SMAD3: variants seen among roughly 807,000 people sequenced by gnomAD.
The protein encoded by SMAD3 is MAD homolog 3.
A neutral mutation model predicts 51.8 loss-of-function variants in SMAD3; 12 were observed. The ratio of observed to expected loss-of-function variants is 0.23; its 90% confidence interval spans 0.15 to 0.38. The LOEUF (loss-of-function observed/expected upper bound fraction) is 0.38, where lower values mean the gene tolerates loss of function less well. Ranked by LOEUF, SMAD3 falls within the 10% of genes least tolerant of loss-of-function variation. The probability of loss-of-function intolerance (pLI) is 1.00; values close to 1 mark genes in which losing one functional copy is unlikely to be tolerated. For synonymous variants in SMAD3, 238 were observed against 227.7 expected (o/e 1.05, Z -0.41); for missense variants, 294 against 565.6 (o/e 0.52, Z 4.87).
chr15:67,167,525 G>A (rs753515196), intron 4 of SMAD3, among the ~76,000 whole-genome samples: 3 of 152,166 alleles, frequency 2.0e-5, no homozygotes, highest in South Asian at 2.1e-4. Context: ...CAGCAGCAGG[G>A]TAGAGAGTGG....
At chr15:67,118,086 T>C (rs1319950852) in intron 1 of SMAD3, among the ~76,000 whole-genome samples, 1 of 152,214 alleles carries the variant, frequency 6.6e-6, no homozygotes, top group Non-Finnish European at 1.5e-5. Context: ...AGTGAGACAA[T>C]GTCTCAAAAA....
chr15:67,134,847 C>T (rs1263741601), intron 1 of SMAD3, among the ~76,000 whole-genome samples: 1 of 152,212 alleles, frequency 6.6e-6, no homozygotes, highest in Non-Finnish European at 1.5e-5. Flanking sequence ...GCCCCTCACA[C>T]TCACGGCAGA....
In SMAD3 at chr15:67,193,949, A is replaced by G. The variant is rs1963434551; in HGVS notation, c.*3413A>G. ...AAAGATCTGTTTCATTCTTAGCCTC[A>G]GGCCTCATGAGGGTCTCCACAGGGC... is the stretch of plus-strand genomic sequence containing the variant. On this transcript the variant is annotated 3_prime_UTR_variant, in exon 9 of 9. Transcript: ENST00000327367. 2 of 233,090 alleles carry G rather than the reference A, an allele frequency of 8.6e-6. No homozygotes were observed. Among genetic ancestry groups the G allele is most frequent in the Admixed American group, 1.1e-4 (2 of 17,760 alleles). 14.4% of individuals were successfully genotyped at this position (233,090 alleles called of 1,614,324 possible).
chr15:67,133,041 A>C (rs1354667736), intron 1 of SMAD3, among the ~76,000 whole-genome samples: 1 of 151,684 alleles, frequency 6.6e-6, no homozygotes, highest in Non-Finnish European at 1.5e-5. Context: ...CTTGCTTGTC[A>C]CTCCTCTTTA....
At chr15:67,072,311 C>T (rs775404343) in intron 1 of SMAD3, among the ~76,000 whole-genome samples, 3 of 152,178 alleles carry the variant, frequency 2.0e-5, no homozygotes, top group African/African-American at 4.8e-5. Context: ...GCGTGAGCTC[C>T]TTAATGAAAT....
At chr15:67,182,395 A>G (rs1438189133) in intron 6 of SMAD3, among the ~76,000 whole-genome samples, 1 of 152,214 alleles carries the variant, frequency 6.6e-6, no homozygotes, top group Non-Finnish European at 1.5e-5. Flanking sequence ...CAACTGTCAG[A>G]ACTTAGAAGG....
At chr15:67,068,959 C>T (rs1239759388) in intron 1 of SMAD3, among the ~76,000 whole-genome samples, 1 of 152,154 alleles carries the variant, frequency 6.6e-6, no homozygotes, top group Non-Finnish European at 1.5e-5. Flanking sequence ...CTTAGTCATT[C>T]CCCCTGTGTG....
chr15:67,123,317 G>C (rs1481733493), intron 1 of SMAD3, among the ~76,000 whole-genome samples: 3 of 152,010 alleles, frequency 2.0e-5, no homozygotes, highest in Non-Finnish European at 4.4e-5. Context: ...CTAAAACATG[G>C]TGAAATTCCG....
chr15:67,117,071 G>A (rs1402431382), intron 1 of SMAD3, among the ~76,000 whole-genome samples: 1 of 152,128 alleles, frequency 6.6e-6, no homozygotes, highest in Admixed American at 6.5e-5. Flanking sequence ...ACTGAAAAGG[G>A]CATTTTTCTA....
chr15:67,169,110 A>G (rs558650179), intron 4 of SMAD3, among the ~76,000 whole-genome samples: 2 of 152,176 alleles, frequency 1.3e-5, no homozygotes, highest in Non-Finnish European at 2.9e-5. Context: ...TAATTTTTAC[A>G]TGTCACACAG....
At chr15:67,115,262 T>C (rs199561903) in intron 1 of SMAD3, among the ~76,000 whole-genome samples, 15 of 144,690 alleles carry the variant, frequency 1.0e-4, no homozygotes, top group South Asian at 4.5e-4. Flanking sequence ...TTTTTTTTTT[T>C]CCCACGGAAG....
At chr15:67,182,758 C>T (rs1278878846) in intron 6 of SMAD3, among the ~76,000 whole-genome samples, 2 of 151,756 alleles carry the variant, frequency 1.3e-5, no homozygotes, top group Non-Finnish European at 2.9e-5. Context: ...CCACCACTAC[C>T]AGACCTGTTG....
intron 1 of SMAD3, among the ~76,000 whole-genome samples, chr15:67,076,388 G>A (rs898323528): frequency 2.6e-5 from 4 of 152,318 alleles, no homozygotes; most frequent in Admixed American, 1.3e-4. Flanking sequence ...TGACTCACGC[G>A]CCTGTCACTG....
intron 1 of SMAD3, among the ~76,000 whole-genome samples, chr15:67,075,616 T>C (rs754315542): frequency 6.6e-6 from 1 of 152,208 alleles, no homozygotes; most frequent in Non-Finnish European, 1.5e-5. Context: ...ACCTACTTCA[T>C]AGAAATCAAC....
chr15:67,133,078 C>T (rs1030724066), intron 1 of SMAD3, among the ~76,000 whole-genome samples: 10 of 152,142 alleles, frequency 6.6e-5, no homozygotes, highest in South Asian at 2.1e-4. Flanking sequence ...GTTTGTGGCC[C>T]GTCCTGTATT....
chr15:67,182,471 G>A (rs1252634576), intron 6 of SMAD3, among the ~76,000 whole-genome samples: 1 of 152,178 alleles, frequency 6.6e-6, no homozygotes, highest in Non-Finnish European at 1.5e-5. Flanking sequence ...GGTTGGCAAA[G>A]GGTTCCTGCG....
rs569516722 is a variant in SMAD3 at position 67,153,487 on chromosome 15, G to C, written c.207-11408G>C. Among the ~76,000 whole-genome samples the C allele has an allele frequency of 1.4e-3, 186 of 132,350 alleles. 1 individual carries two copies. The highest frequency in any genetic ancestry group is 4.8e-3 in the African/African-American group (176 of 36,438). The allele number at this position is 132,350 out of a possible 152,430, so 86.8% of individuals were successfully genotyped here. On this transcript the variant is annotated intron_variant, in intron 1 of 8. Coordinates refer to ENST00000327367, the MANE Select transcript of SMAD3 (RefSeq NM_005902.4). ...CAACAAGAGCAAAACTCCGTCTTGG[G>C]GGGCGGGCGGGGGGGATTCCTTCTG...
chr15:67,127,158 C>T (rs1246545830), intron 1 of SMAD3, among the ~76,000 whole-genome samples: 1 of 152,162 alleles, frequency 6.6e-6, no homozygotes, highest in Non-Finnish European at 1.5e-5. Context: ...CCGGCATAAA[C>T]CCAGGTGGCC....
intron 1 of SMAD3, among the ~76,000 whole-genome samples, chr15:67,159,017 G>A (rs1962355838): frequency 6.6e-6 from 1 of 151,916 alleles, no homozygotes; most frequent in Admixed American, 6.6e-5. Context: ...TGTTAATACT[G>A]AGTGTTCTTA....
Sources: allele counts gnomAD v4.1 joint callset (sites outside exome capture counted in the v4.1 genomes callset), GRCh38; gene constraint gnomAD v4.1.1; transcripts MANE v1.5; gene names NCBI Gene and HGNC (gene_info 2026-07-23, HGNC 2026-07-21).